Variants in NRG3 observed in about 807,000 individuals in gnomAD.
NRG3 encodes neuregulin 3, also known as pro-neuregulin-3, membrane-bound isoform.
In NRG3, 31 loss-of-function variants were observed where a neutral mutation model predicts 66.9. The observed-to-expected ratio is 0.46, with a 90% CI of 0.35 to 0.63. The LOEUF (loss-of-function observed/expected upper bound fraction) is 0.63, where lower values mean the gene tolerates loss of function less well. Among genes scored for constraint, NRG3 ranks in the 20% least tolerant of loss-of-function variants. NRG3 has a pLI of 0.00. For missense variants in NRG3, 910 were observed against 878.9 expected, an observed-to-expected ratio of 1.04 and a Z score of -0.45; for synonymous variants, 393 against 359.4, an observed-to-expected ratio of 1.09 and a Z score of -1.06.
At chr10:82,636,907 G>A (rs1273947085) in intron 2 of NRG3, among the ~76,000 whole-genome samples, 1 of 151,788 alleles carries the variant, frequency 6.6e-6, no homozygotes, top group Non-Finnish European at 1.5e-5. Flanking sequence ...CCAGAGGCAG[G>A]ATTAAGGGTA....
At chr10:82,214,484 A>T (rs2075564719) in intron 1 of NRG3, among the ~76,000 whole-genome samples, 2 of 152,104 alleles carry the variant, frequency 1.3e-5, no homozygotes, top group Non-Finnish European at 2.9e-5. Flanking sequence ...CCGCCCTTGG[A>T]GACAAGGTCT....
At chr10:82,678,939 C>A (rs764691604) in intron 2 of NRG3, among the ~76,000 whole-genome samples, 1 of 152,112 alleles carries the variant, frequency 6.6e-6, no homozygotes, top group South Asian at 2.1e-4. Flanking sequence ...CACAAATATG[C>A]CACTCTTATA....
At chr10:82,307,287 C>T (rs1205724133) in intron 1 of NRG3, among the ~76,000 whole-genome samples, 1 of 151,960 alleles carries the variant, frequency 6.6e-6, no homozygotes, top group Admixed American at 6.6e-5. Flanking sequence ...TTTTATTCAC[C>T]TGTGTAATTA....
intron 2 of NRG3, among the ~76,000 whole-genome samples, chr10:82,614,907 A>C (rs2048542936): frequency 6.6e-6 from 1 of 152,170 alleles, no homozygotes. Context: ...CCAAAAAAAA[A>C]AACCTAGGTG....
chr10:82,532,631 C>CTA (rs916381267), intron 2 of NRG3, among the ~76,000 whole-genome samples: 3 of 147,310 alleles, frequency 2.0e-5, no homozygotes, highest in East Asian at 2.0e-4. Context: ...AGAGAGAGTA[C>CTA]TATATATATA....
chr10:82,951,815 T>A (rs1474697562), intron 5 of NRG3, among the ~76,000 whole-genome samples: 1 of 152,166 alleles, frequency 6.6e-6, no homozygotes, highest in Non-Finnish European at 1.5e-5. Context: ...ATAATGATCA[T>A]TCCTCTCAGT....
chr10:82,405,162 C>T (rs2087411815), intron 2 of NRG3, among the ~76,000 whole-genome samples: 1 of 152,174 alleles, frequency 6.6e-6, no homozygotes, highest in African/African-American at 2.4e-5. Flanking sequence ...AGTGGTCGAA[C>T]GAGGCCTCTC....
intron 3 of NRG3, among the ~76,000 whole-genome samples, chr10:82,854,226 G>A (rs547185819): frequency 6.6e-6 from 1 of 152,296 alleles, no homozygotes; most frequent in East Asian, 1.9e-4. Context: ...GAAAAGTAGA[G>A]CAGGTAACAT....
chr10:82,655,039 A>G (rs1279219234), intron 2 of NRG3, among the ~76,000 whole-genome samples: 1 of 151,930 alleles, frequency 6.6e-6, no homozygotes, highest in Non-Finnish European at 1.5e-5. Context: ...ATTTGCCTTA[A>G]CTATTATATA....
intron 2 of NRG3, among the ~76,000 whole-genome samples, chr10:82,558,117 T>C (rs2132973482): frequency 6.6e-6 from 1 of 152,246 alleles, no homozygotes; most frequent in African/African-American, 2.4e-5. Context: ...AAGAGAGAAA[T>C]GCATTGCAAA....
chr10:82,660,491 C>G (rs1307620203), intron 2 of NRG3, among the ~76,000 whole-genome samples: 1 of 152,016 alleles, frequency 6.6e-6, no homozygotes, highest in East Asian at 1.9e-4. Context: ...GTTTGGTGGA[C>G]ATTAAAATTG....
intron 1 of NRG3, among the ~76,000 whole-genome samples, chr10:81,966,951 G>A (rs1173706315): frequency 6.6e-6 from 1 of 150,744 alleles, no homozygotes; most frequent in Non-Finnish European, 1.5e-5. Context: ...TTTTATATTT[G>A]TTCTCTCTCT....
intron 3 of NRG3, among the ~76,000 whole-genome samples, chr10:82,776,480 G>A (rs145517419): frequency 0.014 from 2,055 of 152,062 alleles, 45 homozygotes; most frequent in African/African-American, 0.047. Flanking sequence ...ACCCAACTTG[G>A]GAAGTCTTTA....
At chr10:82,047,643 A>G (rs911767865) in intron 1 of NRG3, among the ~76,000 whole-genome samples, 4 of 151,946 alleles carry the variant, frequency 2.6e-5, no homozygotes, top group Non-Finnish European at 5.9e-5. Context: ...CTGCCGCAAA[A>G]TCATGCCAAA....
chr10:82,832,566 TGTG>T (rs1158244324), intron 3 of NRG3, among the ~76,000 whole-genome samples: 2 of 152,094 alleles, frequency 1.3e-5, no homozygotes, highest in Non-Finnish European at 1.5e-5. Flanking sequence ...TGAAATGAAA[TGTG>T]GTCAAAGATT....
intron 2 of NRG3, among the ~76,000 whole-genome samples, chr10:82,436,100 T>G (rs192780517): frequency 4.8e-4 from 73 of 152,284 alleles, no homozygotes; most frequent in Non-Finnish European, 7.6e-4. Flanking sequence ...CTTGTTAATT[T>G]TCTGTCTCAT....
intron 1 of NRG3, among the ~76,000 whole-genome samples, chr10:82,247,149 C>T (rs1277653954): frequency 1.3e-5 from 2 of 152,166 alleles, no homozygotes; most frequent in African/African-American, 2.4e-5. Flanking sequence ...ATCCAGTGAA[C>T]GTATTTCAGC....
At chr10:82,287,939 T>C (rs1377143692) in intron 1 of NRG3, among the ~76,000 whole-genome samples, 1 of 152,190 alleles carries the variant, frequency 6.6e-6, no homozygotes, top group Non-Finnish European at 1.5e-5. Context: ...GAGTAAATTC[T>C]GTGTCAACAA....
chr10:82,913,393 C>T (rs1409907438), intron 4 of NRG3, among the ~76,000 whole-genome samples: 1 of 151,674 alleles, frequency 6.6e-6, no homozygotes, highest in East Asian at 1.9e-4. Flanking sequence ...TTTTCTGTAC[C>T]TCTCTCCCTT....
Sources: gnomAD v4.1 joint callset for allele counts (sites outside exome capture counted in the v4.1 genomes callset) on GRCh38, gnomAD v4.1.1 for gene constraint, MANE v1.5 for transcripts, NCBI Gene and HGNC (gene_info 2026-07-23, HGNC 2026-07-21) for gene names.